Variants in FAAP100 observed in about 807,000 individuals in gnomAD.
FAAP100 encodes Fanconi anemia core complex-associated protein 100.
Under a neutral mutation model 65.8 loss-of-function variants are expected in FAAP100, and 46 were observed. That is an observed-to-expected ratio of 0.70 (90% CI 0.55 to 0.89). The LOEUF is 0.89. FAAP100 is among the 40% of genes least tolerant of loss of function. The probability of loss-of-function intolerance (pLI) is 0.00; values close to 1 mark genes in which losing one functional copy is unlikely to be tolerated. For synonymous variants in FAAP100, 663 were observed against 555.1 expected, an observed-to-expected ratio of 1.19 and a Z score of -2.73; for missense variants, 1,165 against 1,196.7, an observed-to-expected ratio of 0.97 and a Z score of 0.39.
intron 7 of FAAP100, among the ~76,000 whole-genome samples, chr17:81,542,994 G>A (rs983632189): frequency 2.0e-5 from 3 of 152,200 alleles, no homozygotes; most frequent in Non-Finnish European, 4.4e-5. Context: ...TCGTGGTGCC[G>A]TGAGATCACT....
In FAAP100 at chr17:81,543,897, C is replaced by T. The variant is rs533569671; in HGVS notation, c.2427+107G>A. 574 of 1,042,478 alleles carry T rather than the reference C, an allele frequency of 5.5e-4. 12 individuals are homozygous for T. In the South Asian group the frequency reaches 8.1e-3, roughly 15 times the overall value. The allele number at this position is 1,042,478 out of a possible 1,614,324, so 64.6% of individuals were successfully genotyped here. ...CAGACTTGGATCTTCCTACAACTCCCTTGCAGGGAGCCGCAGACCCCGTGG... is the reference window on the plus strand; with the variant it reads ...CAGACTTGGATCTTCCTACAACTCCTTTGCAGGGAGCCGCAGACCCCGTGG... On this transcript the variant is annotated intron_variant, in intron 7 of 8. Coordinates refer to ENST00000327787, the MANE Select transcript of FAAP100 (RefSeq NM_025161.6).
In FAAP100 at chr17:81,540,446, G is replaced by A; in HGVS notation, c.*373C>T. ...AAACCCCAGAAATCCTGTTTCTCTG[G>A]CCCTCCGGGTCCAGAATGCCCTGCA... On this transcript the variant is annotated 3_prime_UTR_variant, in exon 9 of 9. Coordinates refer to ENST00000327787, the MANE Select transcript of FAAP100 (RefSeq NM_025161.6). 1 of 404,824 alleles carries A rather than the reference G, an allele frequency of 2.5e-6. No homozygotes were observed. Among genetic ancestry groups the A allele is most frequent in the Non-Finnish European group, 4.4e-6 (1 of 229,482 alleles). The allele number at this position is 404,824 out of a possible 1,614,324, so 25.1% of individuals were successfully genotyped here.
chr17:81,549,340 C>G lies in FAAP100; in HGVS notation c.1269G>C (p.Leu423=). The G allele has an allele frequency of 1.2e-6, 2 of 1,611,234 alleles. No individual in the cohort carries two copies. The highest frequency in any genetic ancestry group is 1.7e-6 in the Non-Finnish European group (2 of 1,179,410). Residue 423 remains leucine, a synonymous_variant, in exon 4 of 9, where the codon CTG becomes CTC. Transcript: ENST00000327787. ...AGGTCATCAGGCGGCCTTTGGCGGACAGGGCCAGGAGCTTGGTGCCACCTG... is the reference window on the plus strand; with the variant it reads ...AGGTCATCAGGCGGCCTTTGGCGGAGAGGGCCAGGAGCTTGGTGCCACCTG... ...THEGGTKLLA[L]SAKGRLMTCS...
intron 4 of FAAP100, chr17:81,547,929 G>C (rs752482845): frequency 1.4e-6 from 1 of 705,370 alleles, no homozygotes; most frequent in African/African-American, 1.7e-5. Flanking sequence ...GAGGAAAGAG[G>C]ACAGAGGATG....
intron 6 of FAAP100, among the ~76,000 whole-genome samples, chr17:81,544,516 C>T (rs938286653): frequency 8.5e-5 from 13 of 152,204 alleles, no homozygotes; most frequent in African/African-American, 2.4e-4. Flanking sequence ...CGTCCCCCCA[C>T]ACCAGGCATC....
intron 3 of FAAP100, among the ~76,000 whole-genome samples, chr17:81,549,985 G>C (rs1405361244): frequency 1.3e-5 from 2 of 152,122 alleles, no homozygotes; most frequent in Admixed American, 1.3e-4. Context: ...TTTCCTCCAA[G>C]TCCACAGCCA....
chr17:81,542,855 G>T (rs895618510), intron 7 of FAAP100, among the ~76,000 whole-genome samples: 2 of 152,240 alleles, frequency 1.3e-5, no homozygotes, highest in Non-Finnish European at 2.9e-5. Flanking sequence ...CTTGGCAGGG[G>T]ATGGGACTTT....
rs1163263115 is a variant in FAAP100 at position 81,549,041 on chromosome 17, GAAAAAAAAAAAAAAA to G, written c.1403+150_1403+164del. 6.6e-3 allele frequency among the ~76,000 whole-genome samples: 439 copies of G among 66,310 alleles called. 4 individuals carry two copies. The highest frequency in any genetic ancestry group is 8.1e-3 in the Middle Eastern group (1 of 124). The allele number at this position is 66,310 out of a possible 152,430, so 43.5% of individuals were successfully genotyped here. On this transcript the variant is annotated intron_variant, in intron 4 of 8. Coordinates refer to ENST00000327787, the MANE Select transcript of FAAP100 (RefSeq NM_025161.6). ...GGTGACAGCGTGAGACTCCGTCTCA[GAAAAAAAAAAAAAAA>G]AAAAAAAAAAAAAAAAAGAGGCCAA...
rs745589315 is a variant in FAAP100, at chr17:81,547,561, G to T, written c.1521C>A (p.Ser507=). 6.2e-7 allele frequency: 1 copy of T among 1,613,456 alleles called. No homozygotes were observed. The highest frequency in any genetic ancestry group is 8.5e-7 in the Non-Finnish European group (1 of 1,180,004). The part of the protein sequence containing the change: ...LSSGTGPRPI[S]CTTSTTWSRL... ...GGCTCCAGGTGGTGCTGGTGGTGCA[G>T]GAGATGGGTCTGGGGCCCGTGCCGC... is the stretch of plus-strand genomic sequence containing the variant. Residue 507 remains serine (S), a synonymous_variant, in exon 5 of 9, where the codon TCC becomes TCA. Coordinates refer to ENST00000327787, the MANE Select transcript of FAAP100 (RefSeq NM_025161.6).
chr17:81,547,765 A>G, intron 4 of FAAP100, 87 bp from the exon 5 acceptor site: 1 of 1,477,798 alleles, frequency 6.8e-7, no homozygotes, highest in East Asian at 2.3e-5. Context: ...GTAGGCACCG[A>G]GCCTGGCTCC....
In FAAP100 at chr17:81,547,104, G is replaced by A. The variant is rs1192968080; in HGVS notation, c.1978C>T (p.Pro660Ser). 6.6e-7 allele frequency: 1 copy of A among 1,520,378 alleles called. No individual in the cohort carries two copies. Among genetic ancestry groups the A allele is most frequent in the South Asian group, 1.3e-5 (1 of 77,742 alleles). The allele number at this position is 1,520,378 out of a possible 1,614,324, so 94.2% of individuals were successfully genotyped here. A position where few individuals can be genotyped will look rare whatever the true frequency, so the allele number is the denominator to read the frequency against. ...GGGGAGGGGGCCCGTGTGTGTGGCG[G>A]GGCCAGGCCAGGGAAGCGCAGACAC... ...LQCLRFPGLA[P>S]PHTRAPSPLG... is the part of the protein sequence containing the mutation. Residue 660 changes from proline to serine, a missense_variant, in exon 5 of 9, where the codon CCG (proline) becomes TCG (serine). Physicochemically the swap from Pro to Ser is moderately conservative, Grantham distance 74. Coordinates refer to ENST00000327787, the MANE Select transcript of FAAP100 (RefSeq NM_025161.6).
At chr17:81,541,269 A>G in intron 8 of FAAP100, 40 bp downstream of exon 8, 5 of 1,565,398 alleles carry the variant, frequency 3.2e-6, no homozygotes, top group Non-Finnish European at 4.4e-6. Flanking sequence ...GCTCCTGGCT[A>G]CCCAGGGGAA....
rs745628344 is a variant in FAAP100, at chr17:81,540,360, A to G, written c.*459T>C. On this transcript the variant is annotated 3_prime_UTR_variant, in exon 9 of 9. Transcript: ENST00000327787. ...CGTGGGGCACCTGGTAGTGCCACCC[A>G]GAGGGGCAGCCGGTGCTCCTGGTGG... 2.2e-5 allele frequency: 9 copies of G among 401,480 alleles called. No individual in the cohort carries two copies. In the Middle Eastern group the frequency reaches 3.1e-3, roughly 140 times the overall value. 24.9% of individuals were successfully genotyped at this position (401,480 alleles called of 1,614,324 possible). A position where few individuals can be genotyped will look rare whatever the true frequency, so the allele number is the denominator to read the frequency against.
chr17:81,551,862 G>A, intron 2 of FAAP100, 66 bp downstream of exon 2: 1 of 1,448,104 alleles, frequency 6.9e-7, no homozygotes. Flanking sequence ...AGGTGGGGCT[G>A]CTCGCTCTGA....
chr17:81,550,823 A>T lies in FAAP100; in HGVS notation c.671T>A (p.Leu224His). The change falls in exon 3 of 9, where the codon CTC (leucine) becomes CAC (histidine). Residue 224 changes from leucine to histidine, a missense_variant. Physicochemically the swap from Leu to His is moderately conservative, Grantham distance 99. Transcript: ENST00000327787. ...GSGGFTLEDA[L>H]FGLLFGADAT... ...ATCAGCTCCAAAGAGGAGCCCGAAG[A>T]GGGCGTCCTCCAGCGTGAAGCCCCC... The T allele has an allele frequency of 1.2e-6, 2 of 1,612,348 alleles. No individual in the cohort carries two copies. The highest frequency in any genetic ancestry group is 1.7e-6 in the Non-Finnish European group (2 of 1,179,708).
In FAAP100 at chr17:81,550,725, C is replaced by A. The variant is rs935784984; in HGVS notation, c.769G>T (p.Ala257Ser). 1.9e-6 allele frequency: 3 copies of A among 1,612,578 alleles called. No homozygotes were observed. Among genetic ancestry groups the A allele is most frequent in the Non-Finnish European group, 2.5e-6 (3 of 1,179,864 alleles). Residue 257 changes from alanine to serine, a missense_variant, in exon 3 of 9, where the codon GCC becomes TCC. Transcript: ENST00000327787. ...GGGGCTGACCTGGAGGTGACCAGGG[C>A]CTTCAGGATCACACAGCAGAGCTGG... is the stretch of plus-strand genomic sequence containing the variant. ...DGQLCCVILK[A>S]LVTSRSAPGD...
chr17:81,549,298 G>T lies in FAAP100; in HGVS notation c.1311C>A (p.Asp437Glu), dbSNP rs1030970831. 2 of 1,613,108 alleles carry T rather than the reference G, an allele frequency of 1.2e-6. No homozygotes were observed. Among genetic ancestry groups the T allele is most frequent in the Non-Finnish European group, 1.7e-6 (2 of 1,179,958 alleles). ...TCCTGGCTGGGCCAGGCATCTCAGA[G>T]TCCAGGTCCAGGCTGCAGGTCATCA... ...GRLMTCSLDL[D>E]SEMPGPARMT... The change falls in exon 4 of 9, where the codon GAC becomes GAA. Residue 437 changes from aspartate (D) to glutamate (E), a missense_variant. Asp to Glu is a conservative substitution (Grantham distance 45). Coordinates refer to ENST00000327787, the MANE Select transcript of FAAP100 (RefSeq NM_025161.6).
Position 81,550,933 on chromosome 17 carries a change from C to T in FAAP100, c.561G>A (p.Lys187=). 6.2e-7 allele frequency: 1 copy of T among 1,612,352 alleles called. No homozygotes were observed. Among genetic ancestry groups the T allele is most frequent in the Non-Finnish European group, 8.5e-7 (1 of 1,179,768 alleles). ...SYTPPAGVPG[K]PAAPHFLPVL... ...CTGGAAGGAAGTGGGGGGCTGCAGG[C>T]TTTCCTGGGACCCCGGCTGGGGGCG... The change falls in exon 3 of 9, where the codon AAG becomes AAA. Residue 187 remains lysine, a synonymous_variant. Coordinates refer to ENST00000327787, the MANE Select transcript of FAAP100 (RefSeq NM_025161.6).
chr17:81,547,670 A>G lies in FAAP100; in HGVS notation c.1412T>C (p.Phe471Ser). Residue 471 changes from phenylalanine (F) to serine (S), a missense_variant, in exon 5 of 9, where the codon TTT (phenylalanine) becomes TCT (serine). Transcript: ENST00000327787. ...GIGNISERVS[F>S]LKKAVDQRNK... is the part of the protein sequence containing the mutation. ...CCGCTGGTCAACCGCCTTCTTTAGA[A>G]AAGACACTCTGCGAAGGACAGACAT... is the stretch of plus-strand genomic sequence containing the variant. The G allele has an allele frequency of 6.2e-7, 1 of 1,610,376 alleles. No homozygotes were observed. Among genetic ancestry groups the G allele is most frequent in the Non-Finnish European group, 8.5e-7 (1 of 1,178,048 alleles).
Sources: gnomAD v4.1 joint callset for allele counts (sites outside exome capture counted in the v4.1 genomes callset) on GRCh38, gnomAD v4.1.1 for gene constraint, MANE v1.5 for transcripts, NCBI Gene and HGNC (gene_info 2026-07-23, HGNC 2026-07-21) for gene names.